The following JAZF1 variants were observed in gnomAD, a reference collection of about 807,000 sequenced individuals.
The protein encoded by JAZF1 is JAZF zinc finger 1, also known as juxtaposed with another zinc finger protein 1.
A neutral mutation model predicts 26.4 loss-of-function variants in JAZF1; 8 were observed. The ratio of observed to expected loss-of-function variants is 0.30; its 90% CI spans 0.18 to 0.55. The LOEUF (loss-of-function observed/expected upper bound fraction) is 0.55, where lower values mean the gene tolerates loss of function less well. Ranked by LOEUF, JAZF1 falls within the 20% of genes least tolerant of loss-of-function variation. JAZF1 has a pLI of 0.94. For synonymous variants in JAZF1, 126 were observed against 122.3 expected (o/e 1.03, Z -0.20); for missense variants, 199 against 322.0 (o/e 0.62, Z 2.92).
chr7:28,168,936 C>T (rs1783412047), intron 1 of JAZF1, among the ~76,000 whole-genome samples: 2 of 152,214 alleles, frequency 1.3e-5, no homozygotes, highest in Admixed American at 6.5e-5. Flanking sequence ...TGACTCAGAA[C>T]CCGGGAAACC....
chr7:27,921,736 A>C (rs1784532600), intron 2 of JAZF1, among the ~76,000 whole-genome samples: 1 of 152,126 alleles, frequency 6.6e-6, no homozygotes, highest in Non-Finnish European at 1.5e-5. Flanking sequence ...TGTTCACTTA[A>C]AAATGCAATT....
intron 1 of JAZF1, among the ~76,000 whole-genome samples, chr7:28,082,792 T>A (rs890986421): frequency 6.6e-5 from 10 of 152,148 alleles, no homozygotes; most frequent in South Asian, 4.1e-4. Flanking sequence ...CCACTCCCAG[T>A]GACTGCAAAG....
chr7:27,931,498 T>C (rs762816964), intron 2 of JAZF1, among the ~76,000 whole-genome samples: 6 of 152,192 alleles, frequency 3.9e-5, no homozygotes, highest in Non-Finnish European at 8.8e-5. Flanking sequence ...CAGCAATGTG[T>C]GTGTTTGCAC....
At chr7:28,064,731 G>GT (rs1198904795) in intron 1 of JAZF1, among the ~76,000 whole-genome samples, 19 of 152,162 alleles carry the variant, frequency 1.2e-4, no homozygotes, top group African/African-American at 3.4e-4. Flanking sequence ...AACCAAAGAA[G>GT]TTTTTTTGTT....
chr7:27,945,890 T>C (rs1784918673), intron 2 of JAZF1, among the ~76,000 whole-genome samples: 2 of 152,242 alleles, frequency 1.3e-5, no homozygotes, highest in African/African-American at 4.8e-5. Context: ...GAATGATTTA[T>C]GATAATTTGA....
intron 1 of JAZF1, among the ~76,000 whole-genome samples, chr7:28,088,091 A>T (rs1025488806): frequency 6.6e-6 from 1 of 152,166 alleles, no homozygotes; most frequent in Admixed American, 6.5e-5. Context: ...TAACAGAAAC[A>T]GCCTGAAAAC....
chr7:28,107,441 C>G (rs1290490692), intron 1 of JAZF1, among the ~76,000 whole-genome samples: 4 of 152,204 alleles, frequency 2.6e-5, no homozygotes, highest in African/African-American at 4.8e-5. Flanking sequence ...TCTGTACTCA[C>G]TGTGCTTCTC....
At chr7:27,890,612 C>G (rs1783956245) in intron 3 of JAZF1, among the ~76,000 whole-genome samples, 1 of 152,042 alleles carries the variant, frequency 6.6e-6, no homozygotes, top group African/African-American at 2.4e-5. Flanking sequence ...TCAAGTTAAC[C>G]TTAGTAAGCC....
At position 27,946,865 on chromosome 7, in the gene JAZF1, T is replaced by C. The variant is rs538008534; in HGVS notation, c.188+45044A>G. Among the ~76,000 whole-genome samples the C allele has an allele frequency of 3.9e-4, 59 of 152,356 alleles. 1 individual carries two copies. Among genetic ancestry groups the C allele is most frequent in the Admixed American group, 3.3e-3 (51 of 15,308 alleles). On this transcript the variant is annotated intron_variant, in intron 2 of 4. Coordinates refer to ENST00000283928, the MANE Select transcript of JAZF1 (RefSeq NM_175061.4). ...GTCAGTCCTTGAACTTGTGTCTACA[T>C]GTTTAGTAAACTACGGTGGTCTTTT... is the stretch of plus-strand genomic sequence containing the variant.
intron 1 of JAZF1, among the ~76,000 whole-genome samples, chr7:28,120,501 C>CTTTATTTTTTTTTTT (rs1782582417): frequency 1.7e-5 from 1 of 59,004 alleles, no homozygotes; most frequent in African/African-American, 6.8e-5. Context: ...ACACACAGTT[C>CTTTATTTTTTTTTTT]TTTTTTTTTT....
rs770638734 is a variant in JAZF1, at chr7:27,895,380, G to T, written c.225C>A (p.Ser75=). The change falls in exon 3 of 5, where the codon TCC becomes TCA. Residue 75 remains serine (S), a synonymous_variant. Transcript: ENST00000283928. ...GCTTCGGCTGAATCTTCTTCTTTAG[G>T]GACTCCTGCTCTCGGCGGGCAGCAT... ...MTDAARREQE[S]LKKKIQPKLS... 6.2e-7 allele frequency: 1 copy of T among 1,606,934 alleles called. No homozygotes were observed. Among genetic ancestry groups the T allele is most frequent in the South Asian group, 1.1e-5 (1 of 89,730 alleles).
chr7:28,070,809 G>A (rs932246233), intron 1 of JAZF1, among the ~76,000 whole-genome samples: 21 of 152,138 alleles, frequency 1.4e-4, no homozygotes, highest in Admixed American at 9.2e-4. Context: ...ACAAGTACTC[G>A]GGCTTATTTC....
chr7:28,147,866 C>T (rs1783052440), intron 1 of JAZF1, among the ~76,000 whole-genome samples: 1 of 151,824 alleles, frequency 6.6e-6, no homozygotes, highest in Non-Finnish European at 1.5e-5. Flanking sequence ...GCACTGATTG[C>T]ACCACTACAC....
intron 2 of JAZF1, among the ~76,000 whole-genome samples, chr7:27,910,039 G>A (rs1784334119): frequency 6.6e-6 from 1 of 152,174 alleles, no homozygotes; most frequent in African/African-American, 2.4e-5. Context: ...TTGCAAAGGA[G>A]GAGCACTGTT....
At chr7:27,970,669 A>G (rs758510749) in intron 2 of JAZF1, among the ~76,000 whole-genome samples, 45 of 152,240 alleles carry the variant, frequency 3.0e-4, no homozygotes, top group Non-Finnish European at 5.4e-4. Context: ...ACTAATTGAA[A>G]TTATGGAAGC....
At chr7:28,110,501 A>AG (rs781720698) in intron 1 of JAZF1, among the ~76,000 whole-genome samples, 2 of 92,776 alleles carry the variant, frequency 2.2e-5, no homozygotes, top group African/African-American at 1.2e-4. Context: ...AGGAAAGGAA[A>AG]GGAAAAGGAA....
intron 3 of JAZF1, among the ~76,000 whole-genome samples, chr7:27,866,592 T>C (rs549225053): frequency 2.6e-5 from 4 of 152,360 alleles, no homozygotes; most frequent in Middle Eastern, 3.4e-3. Flanking sequence ...TTGGTTGCTA[T>C]AGTCCTGTTA....
chr7:28,176,118 C>T (rs912422223), intron 1 of JAZF1, among the ~76,000 whole-genome samples: 4 of 152,152 alleles, frequency 2.6e-5, no homozygotes, highest in African/African-American at 9.7e-5. Flanking sequence ...CAAGTAGAGA[C>T]TCACAACAAG....
chr7:28,064,292 C>G (rs572408897), intron 1 of JAZF1, among the ~76,000 whole-genome samples: 1 of 152,016 alleles, frequency 6.6e-6, no homozygotes, highest in Admixed American at 6.5e-5. Flanking sequence ...CTTTAACCAG[C>G]CAGCAGGAAA....
Sources: allele counts gnomAD v4.1 joint callset (sites outside exome capture counted in the v4.1 genomes callset), GRCh38; gene constraint gnomAD v4.1.1; transcripts MANE v1.5; gene names NCBI Gene and HGNC (gene_info 2026-07-23, HGNC 2026-07-21).